Variants in CSMD1 observed in about 807,000 individuals in gnomAD.
The protein encoded by CSMD1 is CUB and sushi domain-containing protein 1.
A neutral mutation model predicts 417.5 loss-of-function variants in CSMD1; 213 were observed. The ratio of observed to expected loss-of-function variants is 0.51; its 90% CI spans 0.46 to 0.57. The LOEUF is 0.57. Ranked by LOEUF, CSMD1 falls within the 20% of genes least tolerant of loss-of-function variation. The probability of loss-of-function intolerance (pLI) is 0.00; values close to 1 mark genes in which losing one functional copy is unlikely to be tolerated. For synonymous variants in CSMD1, 2,862 were observed against 1,736.8 expected (o/e 1.65, Z -16.11); for missense variants, 6,923 against 4,529.7 (o/e 1.53, Z -15.17).
intron 3 of CSMD1, among the ~76,000 whole-genome samples, chr8:4,083,665 C>T (rs911058828): frequency 6.6e-6 from 1 of 152,114 alleles, no homozygotes; most frequent in East Asian, 1.9e-4. Context: ...TGGATCCCTT[C>T]CTTACACCTT....
intron 46 of CSMD1, among the ~76,000 whole-genome samples, chr8:3,101,768 A>C (rs977894588): frequency 4.7e-5 from 7 of 150,302 alleles, no homozygotes; most frequent in African/African-American, 1.5e-4. Flanking sequence ...TGTTTCCCTA[A>C]AATTGGTGAT....
intron 3 of CSMD1, among the ~76,000 whole-genome samples, chr8:4,395,901 G>A (rs904771651): frequency 9.9e-5 from 15 of 151,988 alleles, no homozygotes; most frequent in Admixed American, 5.2e-4. Context: ...ACACATATAA[G>A]TGTAATTGTA....
chr8:3,786,996 G>T (rs1178147184), intron 5 of CSMD1, among the ~76,000 whole-genome samples: 1 of 152,164 alleles, frequency 6.6e-6, no homozygotes, highest in Non-Finnish European at 1.5e-5. Flanking sequence ...GGGCATGGAA[G>T]CTGAGGGTCA....
At position 3,029,428 on chromosome 8, in the gene CSMD1, A is replaced by G; in HGVS notation, c.7746T>C (p.Ala2582=). 6.2e-7 allele frequency: 1 copy of G among 1,611,222 alleles called. No homozygotes were observed. Among genetic ancestry groups the G allele is most frequent in the Non-Finnish European group, 8.5e-7 (1 of 1,179,024 alleles). ...CAGGACTGCAGCTCAGCAATACTTG[A>G]GCACCGTACTCATTCAAGGATCCTG... ...LVSGSLNEYG[A]QVLLSCSPGY... Residue 2582 remains alanine, a synonymous_variant, in exon 51 of 70, where the codon GCT becomes GCC. Transcript: ENST00000635120.
In CSMD1 at chr8:4,425,138, C is replaced by T. The variant is rs1041685075; in HGVS notation, c.303-5073G>A. Among the ~76,000 whole-genome samples the T allele has an allele frequency of 2.6e-5, 4 of 151,920 alleles. 1 individual carries two copies. Among genetic ancestry groups the T allele is most frequent in the Non-Finnish European group, 5.9e-5 (4 of 67,956 alleles). ...TAATGTGATAGCACTTAATTAAATA[C>T]AATTTCATGTCCCTTTAAATTATTA... On this transcript the variant is annotated intron_variant, in intron 2 of 69. Coordinates refer to ENST00000635120, the MANE Select transcript of CSMD1 (RefSeq NM_033225.6).
At chr8:3,662,030 C>G (rs185340407) in intron 7 of CSMD1, among the ~76,000 whole-genome samples, 1 of 152,008 alleles carries the variant, frequency 6.6e-6, no homozygotes, top group African/African-American at 2.4e-5. Context: ...GATTTTTACT[C>G]GAAGTCGTAG....
At chr8:3,682,221 C>T (rs1348702590) in intron 7 of CSMD1, among the ~76,000 whole-genome samples, 1 of 152,132 alleles carries the variant, frequency 6.6e-6, no homozygotes, top group East Asian at 1.9e-4. Flanking sequence ...AGCTTCTGCA[C>T]AGCACAAGAA....
intron 3 of CSMD1, among the ~76,000 whole-genome samples, chr8:4,163,428 C>CT (rs1279415817): frequency 5.3e-5 from 8 of 152,118 alleles, no homozygotes; most frequent in African/African-American, 1.9e-4. Flanking sequence ...TGGCCAATTT[C>CT]TTTTTTCTTG....
intron 25 of CSMD1, among the ~76,000 whole-genome samples, chr8:3,293,399 T>C (rs2117291664): frequency 6.6e-6 from 1 of 152,324 alleles, no homozygotes; most frequent in East Asian, 1.9e-4. Flanking sequence ...GAATTTCTCC[T>C]GGTTAATATC....
At chr8:3,213,700 TA>T (rs1436820382) in intron 30 of CSMD1, among the ~76,000 whole-genome samples, 3 of 150,900 alleles carry the variant, frequency 2.0e-5, no homozygotes, top group Admixed American at 6.6e-5. Flanking sequence ...TGTATATATA[TA>T]AAAATATATG....
intron 1 of CSMD1, among the ~76,000 whole-genome samples, chr8:4,702,076 G>C (rs1191837662): frequency 1.3e-5 from 2 of 152,114 alleles, no homozygotes; most frequent in African/African-American, 4.8e-5. Context: ...CATGGACACA[G>C]GAAAGGGAAC....
At position 4,661,453 on chromosome 8, in the gene CSMD1, G is replaced by C. The variant is rs191800004; in HGVS notation, c.86-23895C>G. 2.9e-3 allele frequency among the ~76,000 whole-genome samples: 443 copies of C among 152,282 alleles called. 4 individuals carry two copies. The highest frequency in any genetic ancestry group is 0.01 in the African/African-American group (435 of 41,558). On this transcript the variant is annotated intron_variant, in intron 1 of 69. Coordinates refer to ENST00000635120, the MANE Select transcript of CSMD1 (RefSeq NM_033225.6). Reference sequence around the variant, plus strand: ...TTGAAGTGACAAAAATATAGAAATGGAGAACAGATTATTCATTGCTATGGG... The same window carrying C: ...TTGAAGTGACAAAAATATAGAAATGCAGAACAGATTATTCATTGCTATGGG...
At chr8:3,756,197 C>CA (rs1319372782) in intron 5 of CSMD1, among the ~76,000 whole-genome samples, 1 of 151,632 alleles carries the variant, frequency 6.6e-6, no homozygotes, top group African/African-American at 2.4e-5. Context: ...ACTAAAAATA[C>CA]AAAAAATTAG....
chr8:4,962,111 GTTGTT>G (rs1347044360), intron 1 of CSMD1, among the ~76,000 whole-genome samples: 4 of 66,218 alleles, frequency 6.0e-5, no homozygotes, highest in African/African-American at 5.2e-4. Context: ...GTATTTTTTT[GTTGTT>G]TTTTTTTTGT....
chr8:3,099,764 T>C (rs1445577298), intron 46 of CSMD1, among the ~76,000 whole-genome samples: 2 of 152,196 alleles, frequency 1.3e-5, no homozygotes, highest in African/African-American at 2.4e-5. Flanking sequence ...ATTCCTTTCA[T>C]ATTTGAAATG....
intron 1 of CSMD1, among the ~76,000 whole-genome samples, chr8:4,970,190 A>C (rs1810150948): frequency 6.6e-6 from 1 of 151,978 alleles, no homozygotes; most frequent in South Asian, 2.1e-4. Flanking sequence ...GGAGAACTTG[A>C]CTTCAGACTC....
chr8:4,682,906 A>T (rs1468868860), intron 1 of CSMD1, among the ~76,000 whole-genome samples: 1 of 147,526 alleles, frequency 6.8e-6, no homozygotes, highest in Non-Finnish European at 1.5e-5. Flanking sequence ...ACTTTGGAAC[A>T]TTTTTAGAGA....
chr8:3,222,159 G>A (rs1798257200), intron 28 of CSMD1, among the ~76,000 whole-genome samples: 1 of 152,106 alleles, frequency 6.6e-6, no homozygotes, highest in Non-Finnish European at 1.5e-5. Flanking sequence ...TCTATGGGTT[G>A]GGAGAGGCTT....
intron 3 of CSMD1, among the ~76,000 whole-genome samples, chr8:4,152,296 T>G (rs1343045132): frequency 1.3e-5 from 2 of 152,164 alleles, no homozygotes; most frequent in East Asian, 3.9e-4. Context: ...AAAATCTACT[T>G]CCAGTTATAA....
Sources: allele counts gnomAD v4.1 joint callset (sites outside exome capture counted in the v4.1 genomes callset), GRCh38; gene constraint gnomAD v4.1.1; transcripts MANE v1.5; gene names NCBI Gene and HGNC (gene_info 2026-07-23, HGNC 2026-07-21).